TSNARE1: variants seen among roughly 807,000 people sequenced by gnomAD.
TSNARE1 encodes the protein t-SNARE domain-containing protein 1.
TSNARE1 carries 49 observed loss-of-function variants against 62.0 expected under a neutral mutation model. The ratio of observed to expected loss-of-function variants is 0.79; its 90% CI spans 0.63 to 1.00. The LOEUF (loss-of-function observed/expected upper bound fraction) is 1.00, where lower values mean the gene tolerates loss of function less well. TSNARE1 is among the 50% of genes least tolerant of loss of function. TSNARE1 has a pLI of 0.00. For synonymous variants in TSNARE1, 328 were observed against 294.4 expected (o/e 1.11, Z -1.17); for missense variants, 755 against 700.1 (o/e 1.08, Z -0.88).
rs1482085499 is a variant in TSNARE1 at position 142,222,363 on chromosome 8, T to C, written c.*11+7110A>G. On this transcript the variant is annotated intron_variant, in intron 13 of 13. Coordinates refer to ENST00000524325, the MANE Select transcript of TSNARE1 (RefSeq NM_145003.5). ...ACTCATCCACTCACTCACTCACTCA[T>C]CCACTAATTCACTCACTCACTCAGT... 1.3e-4 allele frequency among the ~76,000 whole-genome samples: 8 copies of C among 62,492 alleles called. 1 individual carries two copies. Among genetic ancestry groups the C allele is most frequent in the Non-Finnish European group, 1.7e-4 (5 of 29,064 alleles). 41.0% of individuals were successfully genotyped at this position (62,492 alleles called of 152,430 possible).
intron 1 of TSNARE1, among the ~76,000 whole-genome samples, chr8:142,390,830 G>A (rs1316344643): frequency 1.3e-5 from 1 of 74,390 alleles, no homozygotes; most frequent in Non-Finnish European, 2.5e-5. Flanking sequence ...GGGGGACTCC[G>A]TAACAGACGC....
At chr8:142,290,999 C>T (rs1466506836) in intron 10 of TSNARE1, among the ~76,000 whole-genome samples, 2 of 152,158 alleles carry the variant, frequency 1.3e-5, no homozygotes, top group African/African-American at 4.8e-5. Flanking sequence ...GACCAGTGCC[C>T]CGGTGAGCCT....
chr8:142,387,115 T>A (rs1564010622), intron 1 of TSNARE1, among the ~76,000 whole-genome samples: 1 of 152,166 alleles, frequency 6.6e-6, no homozygotes, highest in Non-Finnish European at 1.5e-5. Flanking sequence ...CAATATTCTC[T>A]CACCAAAATG....
chr8:142,351,594 C>T (rs2130669049), intron 2 of TSNARE1, among the ~76,000 whole-genome samples: 1 of 152,322 alleles, frequency 6.6e-6, no homozygotes. Flanking sequence ...GTCAAAGCTC[C>T]AGAGTGCGAC....
intron 13 of TSNARE1, among the ~76,000 whole-genome samples, chr8:142,227,179 CCCAGTGACAGTGAGGACCT>C (rs1816853579): frequency 5.3e-5 from 8 of 150,012 alleles, no homozygotes; most frequent in African/African-American, 2.0e-4. Flanking sequence ...GTGCCCACAC[CCCAGTGACAGTGAGGACCT>C]CCACTGCATC....
At chr8:142,275,668 T>A in intron 11 of TSNARE1, 1 of 985,378 alleles carries the variant, frequency 1.0e-6, no homozygotes. Flanking sequence ...GGAGGGAGGT[T>A]CCTTGCAAGG....
At chr8:142,292,590 G>C (rs145143016) in intron 10 of TSNARE1, among the ~76,000 whole-genome samples, 1 of 152,126 alleles carries the variant, frequency 6.6e-6, no homozygotes, top group Non-Finnish European at 1.5e-5. Context: ...GGAGGCTGTC[G>C]ATGAGCTCTT....
At chr8:142,336,119 A>G (rs1018247508) in intron 4 of TSNARE1, among the ~76,000 whole-genome samples, 5 of 152,074 alleles carry the variant, frequency 3.3e-5, no homozygotes, top group Non-Finnish European at 7.4e-5. Flanking sequence ...CTCTTTCTAT[A>G]AAAAAATAAA....
chr8:142,393,947 C>A (rs1005990858), intron 1 of TSNARE1, among the ~76,000 whole-genome samples: 2 of 152,326 alleles, frequency 1.3e-5, no homozygotes, highest in African/African-American at 4.8e-5. Context: ...AACTGTGAAT[C>A]CCCAATGAAC....
At position 142,319,804 on chromosome 8, in the gene TSNARE1, G is replaced by C. The variant is rs1342287879; in HGVS notation, c.894-1170C>G. ...GGAGTAAGACTGCCCCCCCAGAACA[G>C]GCACCCAGCAGGCTAGAGAGGGTGT... On this transcript the variant is annotated intron_variant, in intron 6 of 13. Transcript: ENST00000524325. The surrounding 1 kb of genome is among the most constrained non-coding windows in gnomAD (Gnocchi z 4.9). Among the ~76,000 whole-genome samples, 1 of 152,142 alleles carries C rather than the reference G, an allele frequency of 6.6e-6. No homozygotes were observed. Among genetic ancestry groups the C allele is most frequent in the Non-Finnish European group, 1.5e-5 (1 of 68,014 alleles).
chr8:142,312,275 C>G (rs1222164893), intron 9 of TSNARE1, among the ~76,000 whole-genome samples: 1 of 152,204 alleles, frequency 6.6e-6, no homozygotes, highest in Non-Finnish European at 1.5e-5. Context: ...ATTTGAATAT[C>G]TGCATCACCT....
At chr8:142,396,249 A>G (rs1267904432) in intron 1 of TSNARE1, among the ~76,000 whole-genome samples, 1 of 151,904 alleles carries the variant, frequency 6.6e-6, no homozygotes, top group Non-Finnish European at 1.5e-5. Context: ...ACACACACAC[A>G]CGCACACACC....
chr8:142,274,140 A>C, intron 12 of TSNARE1: 2 of 985,364 alleles, frequency 2.0e-6, no homozygotes, highest in Non-Finnish European at 2.4e-6. Context: ...GGCTCTGGTC[A>C]TCTCTGCCCG....
rs367694974 is a variant in TSNARE1 at position 142,319,010 on chromosome 8, C to T, written c.894-376G>A. On this transcript the variant is annotated intron_variant, in intron 6 of 13. Coordinates refer to ENST00000524325, the MANE Select transcript of TSNARE1 (RefSeq NM_145003.5). The surrounding 1 kb of genome is among the most constrained non-coding windows in gnomAD (Gnocchi z 4.9). ...GACACCCAGCAAGAGACGGGGGAGA[C>T]GGGCAGACACACAGCAAGAGGCAGT... is the stretch of plus-strand genomic sequence containing the variant. Among the ~76,000 whole-genome samples the T allele has an allele frequency of 1.1e-4, 17 of 151,134 alleles. No individual in the cohort carries two copies. The highest frequency in any genetic ancestry group is 2.6e-4 in the Admixed American group (4 of 15,190).
At chr8:142,243,642 G>A (rs541565463) in intron 12 of TSNARE1, among the ~76,000 whole-genome samples, 1 of 152,256 alleles carries the variant, frequency 6.6e-6, no homozygotes, top group South Asian at 2.1e-4. Flanking sequence ...ACGGTACAAG[G>A]TTTCAATCAG....
In TSNARE1 at chr8:142,291,803, C is replaced by A. The variant is rs1586596099; in HGVS notation, c.1291-7318G>T. 1.3e-5 allele frequency among the ~76,000 whole-genome samples: 2 copies of A among 152,070 alleles called. No individual in the cohort carries two copies. Among genetic ancestry groups the A allele is most frequent in the South Asian group, 4.2e-4 (2 of 4,818 alleles). ...GGGAGCCAGCGGCTCAGGCGTCAGG[C>A]ATAGGGTGCTCTGGGCCTCGGGCAA... On this transcript the variant is annotated intron_variant, in intron 10 of 13. Coordinates refer to ENST00000524325, the MANE Select transcript of TSNARE1 (RefSeq NM_145003.5). This position sits in a 1 kb window ranked among gnomAD's most constrained non-coding sequence, Gnocchi z 4.8.
rs757051266 is a variant in TSNARE1 at position 142,315,032 on chromosome 8, CA to C, written c.1044del (p.Asp348GlufsTer89). 6.2e-7 allele frequency: 1 copy of C among 1,614,206 alleles called. No homozygotes were observed. ...TGCACCACTCCATAGCACTGAATGG[CA>C]TCTGAGAGCTGGGTTTTCAGCCGGT... is the stretch of plus-strand genomic sequence containing the variant. ...QLDRLKTQLSDAIQCYGVVQK... is the reference protein window; with the variant it reads ...QLDRLKTQLSXAIQCYGVVQK... On this transcript the variant is annotated frameshift_variant, in exon 8 of 14. Transcript: ENST00000524325. LOFTEE classifies it high-confidence loss of function.
intron 9 of TSNARE1, among the ~76,000 whole-genome samples, chr8:142,306,521 G>A (rs1184017634): frequency 2.0e-5 from 3 of 152,156 alleles, no homozygotes; most frequent in Admixed American, 6.5e-5. Context: ...TGAAAACTAC[G>A]GACCACAGCC....
rs1232073105 is a variant in TSNARE1, at chr8:142,274,766, C to T, written c.1446+15G>A. 1.3e-6 allele frequency: 2 copies of T among 1,536,434 alleles called. No individual in the cohort carries two copies. The highest frequency in any genetic ancestry group is 1.8e-6 in the Non-Finnish European group (2 of 1,141,472). On this transcript the variant is annotated intron_variant, in intron 12 of 13. Coordinates refer to ENST00000524325, the MANE Select transcript of TSNARE1 (RefSeq NM_145003.5). ...GCCGGGCCGGCCGGGCACTGTGGCCCTCACACGGACTTACTTGGTGCCGGC... is the reference window on the plus strand; with the variant it reads ...GCCGGGCCGGCCGGGCACTGTGGCCTTCACACGGACTTACTTGGTGCCGGC...
Sources: gnomAD v4.1 joint callset for allele counts (sites outside exome capture counted in the v4.1 genomes callset) on GRCh38, gnomAD v4.1.1 for gene constraint, Gnocchi (gnomAD v3.1) non-coding constraint, MANE v1.5 for transcripts, NCBI Gene and HGNC (gene_info 2026-07-23, HGNC 2026-07-21) for gene names.